Variants in CCDC40 observed in about 807,000 individuals in gnomAD.
The protein encoded by CCDC40 is coiled-coil domain 40 molecular ruler complex subunit, also known as coiled-coil domain-containing protein 40.
A neutral mutation model predicts 124.5 loss-of-function variants in CCDC40; 104 were observed. The observed-to-expected ratio is 0.84, with a 90% confidence interval of 0.71 to 0.98. CCDC40 has a LOEUF of 0.98. Ranked by LOEUF, CCDC40 falls within the 50% of genes least tolerant of loss-of-function variation. The probability of loss-of-function intolerance (pLI) is 0.00; values close to 1 mark genes in which losing one functional copy is unlikely to be tolerated. For synonymous variants in CCDC40, 580 were observed against 602.9 expected (o/e 0.96, Z 0.56); for missense variants, 1,463 against 1,503.9 (o/e 0.97, Z 0.45).
intron 9 of CCDC40, among the ~76,000 whole-genome samples, chr17:80,062,724 C>T (rs1468600944): frequency 2.0e-5 from 3 of 152,202 alleles, no homozygotes; most frequent in African/African-American, 7.2e-5. Context: ...GGACTATAAG[C>T]ACATGCCACC....
At chr17:80,076,194 C>A (rs573339626) in intron 10 of CCDC40, among the ~76,000 whole-genome samples, 1 of 152,302 alleles carries the variant, frequency 6.6e-6, no homozygotes, top group East Asian at 1.9e-4. Context: ...CAAACAGCAT[C>A]ACATACTACA....
chr17:80,074,230 G>C (rs72849337), intron 10 of CCDC40, among the ~76,000 whole-genome samples: 17,690 of 152,238 alleles, frequency 0.12, 1,219 homozygotes, highest in East Asian at 0.23. Context: ...AAACCTTCCG[G>C]CCGGGCGCGG....
chr17:80,088,158 C>T, intron 16 of CCDC40, 56 bp downstream of exon 16: 1 of 1,228,334 alleles, frequency 8.1e-7, no homozygotes, highest in South Asian at 1.2e-5. Context: ...ACCTACAGGC[C>T]TCTGTCCGTT....
At chr17:80,093,487 G>T (rs1286615312) in intron 17 of CCDC40, among the ~76,000 whole-genome samples, 6 of 146,898 alleles carry the variant, frequency 4.1e-5, no homozygotes, top group African/African-American at 1.5e-4. Flanking sequence ...CCGGCCAGCT[G>T]ATTTTAATAT....
rs900909600 is a variant in CCDC40, at chr17:80,063,428, C to A, written c.1441-2057C>A. ...CTGAGCCCGGCAGCCATCTTTCCAT[C>A]CTTATGCCTTGACCTGCACCTCAGT... is the stretch of plus-strand genomic sequence containing the variant. On this transcript the variant is annotated intron_variant, in intron 9 of 19. Transcript: ENST00000397545. Among the ~76,000 whole-genome samples the A allele has an allele frequency of 3.9e-5, 6 of 152,162 alleles. No individual in the cohort carries two copies. In the South Asian group the frequency reaches 1.2e-3, roughly 32 times the overall value.
chr17:80,051,624 G>A (rs1452649756), intron 7 of CCDC40, among the ~76,000 whole-genome samples: 11 of 71,590 alleles, frequency 1.5e-4, no homozygotes, highest in South Asian at 6.7e-4. Context: ...GCGAGACTCC[G>A]TCTCAAAAAA....
chr17:80,051,645 AAAAAAAAAAG>A (rs2037598505), intron 7 of CCDC40, among the ~76,000 whole-genome samples: 2 of 150,766 alleles, frequency 1.3e-5, no homozygotes, highest in Non-Finnish European at 3.0e-5. Context: ...AAAAAAAAAA[AAAAAAAAAAG>A]AAAAAAGAAC....
intron 17 of CCDC40, among the ~76,000 whole-genome samples, chr17:80,092,829 C>T (rs2038746048): frequency 6.6e-6 from 1 of 152,210 alleles, no homozygotes; most frequent in Non-Finnish European, 1.5e-5. Flanking sequence ...GAGCCTCTGC[C>T]TAGCTGAAGG....
In CCDC40 at chr17:80,090,247, A is replaced by C. The variant is rs1328074085; in HGVS notation, c.2832+363A>C. On this transcript the variant is annotated intron_variant, in intron 17 of 19. Transcript: ENST00000397545. ...GGGACGCGCGCAGGCACGTGCACGA[A>C]CAACACGGGACGCGCGCGGGCACGT... is the stretch of plus-strand genomic sequence containing the variant. 17 of 866,996 alleles carry C rather than the reference A, an allele frequency of 2.0e-5. 1 individual carries two copies. The highest frequency in any genetic ancestry group is 8.3e-5 in the South Asian group (4 of 48,012). 53.7% of individuals were successfully genotyped at this position (866,996 alleles called of 1,614,324 possible).
chr17:80,090,215 A>T, intron 17 of CCDC40: 2 of 765,856 alleles, frequency 2.6e-6, no homozygotes, highest in East Asian at 3.3e-5. Flanking sequence ...ACGTGCACGA[A>T]GAACACGGGA....
chr17:80,084,679 A>G (rs1288234526), intron 12 of CCDC40, 64 bp from the exon 13 acceptor site: 31 of 1,600,330 alleles, frequency 1.9e-5, no homozygotes, highest in Non-Finnish European at 1.7e-5. Flanking sequence ...ACGGTGGATC[A>G]GCAAACTCGT....
intron 18 of CCDC40, among the ~76,000 whole-genome samples, chr17:80,096,918 C>T (rs2038820475): frequency 6.6e-6 from 1 of 152,272 alleles, no homozygotes. Flanking sequence ...GCCTCTCGGC[C>T]CTTACAGCCT....
intron 10 of CCDC40, chr17:80,065,954 C>T (rs2038035184): frequency 1.6e-6 from 1 of 621,972 alleles, no homozygotes; most frequent in Non-Finnish European, 2.9e-6. Flanking sequence ...AACCCCATCC[C>T]TTCTCGATTG....
chr17:80,039,744 A>G lies in CCDC40; in HGVS notation c.94-68A>G. The G allele has an allele frequency of 2.6e-6, 4 of 1,564,578 alleles. No individual in the cohort carries two copies. The South Asian group carries it at 4.7e-5, about 18-fold the overall frequency. On this transcript the variant is annotated intron_variant, in intron 2 of 19. Coordinates refer to ENST00000397545, the MANE Select transcript of CCDC40 (RefSeq NM_017950.4). ...TTTCCCATTGATATAATTACACTAT[A>G]AAGAATAAAACCTCACAAGGTCCTT...
intron 10 of CCDC40, among the ~76,000 whole-genome samples, chr17:80,077,321 G>C (rs993404303): frequency 3.9e-5 from 6 of 152,218 alleles, no homozygotes; most frequent in Middle Eastern, 3.4e-3. Context: ...AAGAGTTTGA[G>C]ACCAGCCTGG....
At chr17:80,060,963 C>T (rs1468379566) in intron 9 of CCDC40, among the ~76,000 whole-genome samples, 2 of 152,168 alleles carry the variant, frequency 1.3e-5, no homozygotes, top group Non-Finnish European at 2.9e-5. Context: ...GGAAAATGTG[C>T]CAGACGAAAA....
At chr17:80,037,688 A>AAAAAAAAAAATATATATATATATATATAT in intron 1 of CCDC40, among the ~76,000 whole-genome samples, 1 of 45,676 alleles carries the variant, frequency 2.2e-5, no homozygotes, top group African/African-American at 5.9e-5. Context: ...TTTTTTAAAA[A>AAAAAAAAAAATATATATATATATATATAT]AGATATACAT....
chr17:80,074,788 C>T (rs1433969959), intron 10 of CCDC40, among the ~76,000 whole-genome samples: 2 of 152,106 alleles, frequency 1.3e-5, no homozygotes, highest in Non-Finnish European at 2.9e-5. Flanking sequence ...GTAATACAGT[C>T]TGTAAAGCTA....
intron 9 of CCDC40, among the ~76,000 whole-genome samples, chr17:80,063,257 A>C (rs910620928): frequency 6.6e-6 from 1 of 152,146 alleles, no homozygotes; most frequent in African/African-American, 2.4e-5. Context: ...ACACACACAC[A>C]ATCACAGGTG....
Sources: gnomAD v4.1 joint callset for allele counts (sites outside exome capture counted in the v4.1 genomes callset) on GRCh38, gnomAD v4.1.1 for gene constraint, MANE v1.5 for transcripts, NCBI Gene and HGNC (gene_info 2026-07-23, HGNC 2026-07-21) for gene names.